The following DPH6 variants were observed in gnomAD, a reference collection of about 807,000 sequenced individuals.
DPH6 encodes diphthamine biosynthesis 6, also known as diphthine--ammonia ligase.
A neutral mutation model predicts 38.2 loss-of-function variants in DPH6; 33 were observed. The observed-to-expected ratio is 0.86, with a 90% CI of 0.65 to 1.15. The LOEUF (loss-of-function observed/expected upper bound fraction) is 1.15. DPH6 is among the 50% of genes most tolerant of loss of function. The pLI, the probability that DPH6 is intolerant of heterozygous loss-of-function variation, is 0.00. For missense variants in DPH6, 325 were observed against 320.0 expected, an observed-to-expected ratio of 1.02 and a Z score of -0.12; for synonymous variants, 108 against 103.0, an observed-to-expected ratio of 1.05 and a Z score of -0.30.
intron 3 of DPH6, among the ~76,000 whole-genome samples, chr15:35,508,389 T>C (rs912535902): frequency 1.3e-5 from 2 of 152,164 alleles, no homozygotes; most frequent in Non-Finnish European, 2.9e-5. Flanking sequence ...TTTTCTTATA[T>C]ATCCAAAAGG....
intron 6 of DPH6, among the ~76,000 whole-genome samples, chr15:35,392,422 G>T (rs748707838): frequency 1.4e-5 from 2 of 144,508 alleles, no homozygotes; most frequent in Non-Finnish European, 3.0e-5. Context: ...AAAAAAAAAA[G>T]CCAAACTCAT....
intron 5 of DPH6, among the ~76,000 whole-genome samples, chr15:35,412,446 T>C (rs561270790): frequency 6.6e-6 from 1 of 151,686 alleles, no homozygotes; most frequent in Non-Finnish European, 1.5e-5. Context: ...CTGAACATAT[T>C]CTTACTATAC....
chr15:35,370,246 G>A (rs4338752), downstream of DPH6, among the ~76,000 whole-genome samples: 39,709 of 151,390 alleles, frequency 0.26, 5,392 homozygotes, highest in South Asian at 0.38. Context: ...ATCAAGCTTC[G>A]ACAAGATAAT....
intron 3 of DPH6, among the ~76,000 whole-genome samples, chr15:35,258,194 C>T (rs2051720671): frequency 6.6e-6 from 1 of 152,034 alleles, no homozygotes; most frequent in Admixed American, 6.6e-5. Context: ...GTCTTTTTGC[C>T]TTACTCGGGC....
intron 3 of DPH6, among the ~76,000 whole-genome samples, chr15:35,510,260 C>T (rs2054750733): frequency 6.6e-6 from 1 of 152,076 alleles, no homozygotes; most frequent in African/African-American, 2.4e-5. Flanking sequence ...TCACATTTGA[C>T]TATTGTATTA....
At chr15:35,381,322 A>G (rs1298007932) in intron 7 of DPH6, among the ~76,000 whole-genome samples, 1 of 152,208 alleles carries the variant, frequency 6.6e-6, no homozygotes, top group Non-Finnish European at 1.5e-5. Context: ...ACTACTCACC[A>G]TCAACTAAAT....
At chr15:35,335,221 A>G (rs1349189121) in intron 3 of DPH6, among the ~76,000 whole-genome samples, 2 of 152,038 alleles carry the variant, frequency 1.3e-5, no homozygotes, top group African/African-American at 4.8e-5. Context: ...GGGTCTGTTC[A>G]TGTCCTTTGC....
At chr15:35,404,422 C>T (rs1373306646) in intron 6 of DPH6, among the ~76,000 whole-genome samples, 1 of 152,076 alleles carries the variant, frequency 6.6e-6, no homozygotes, top group Non-Finnish European at 1.5e-5. Flanking sequence ...GCCATTTTAA[C>T]TGGTGTGAGA....
At chr15:35,145,377 T>C in the DPH6 span, among the ~76,000 whole-genome samples, 2 of 152,244 alleles carry the variant, frequency 1.3e-5, no homozygotes, top group Non-Finnish European at 2.9e-5. Context: ...TTCCTTTACA[T>C]GTGAAGCAAC....
At chr15:35,294,819 A>C (rs1595464829) in intron 3 of DPH6, among the ~76,000 whole-genome samples, 1 of 152,350 alleles carries the variant, frequency 6.6e-6, no homozygotes, top group East Asian at 1.9e-4. Flanking sequence ...CAGGGAGGCC[A>C]CTGGAGTGAG....
chr15:35,238,889 C>T (rs2051576807), intron 3 of DPH6, among the ~76,000 whole-genome samples: 2 of 150,506 alleles, frequency 1.3e-5, no homozygotes, highest in African/African-American at 2.4e-5. Flanking sequence ...GAGAACAACC[C>T]TCTTTGACTG....
At chr15:35,352,528 A>G (rs1211930699) in intron 3 of DPH6, among the ~76,000 whole-genome samples, 3 of 151,760 alleles carry the variant, frequency 2.0e-5, no homozygotes, top group South Asian at 2.1e-4. Context: ...AGAACATGTG[A>G]TATTTGGTTT....
chr15:35,195,212 T>C, the DPH6 span, among the ~76,000 whole-genome samples: 1 of 152,232 alleles, frequency 6.6e-6, no homozygotes, highest in Non-Finnish European at 1.5e-5. Context: ...CACAATGACC[T>C]TCAGTTCCAT....
intron 6 of DPH6, among the ~76,000 whole-genome samples, chr15:35,390,507 A>G (rs1404590615): frequency 5.9e-5 from 9 of 152,210 alleles, no homozygotes; most frequent in Non-Finnish European, 1.3e-4. Flanking sequence ...GTCTTTTCAC[A>G]TAGTCCCATA....
In DPH6 at chr15:35,419,068, T is replaced by TACACACACACACACAC. The variant is rs145718698; in HGVS notation, c.506-8188_506-8173dup. Among the ~76,000 whole-genome samples the TACACACACACACACAC allele has an allele frequency of 2.5e-3, 363 of 145,030 alleles. 2 individuals are homozygous for TACACACACACACACAC. The highest frequency in any genetic ancestry group is 8.0e-3 in the African/African-American group (318 of 39,884). The stretch of plus-strand genomic sequence containing the variant: ...CCTTTCAAACTAAAACACACACACA[T>TACACACACACACACAC]ACACACACACACACACACACACACA... On this transcript the variant is annotated intron_variant, in intron 5 of 8. Coordinates refer to ENST00000256538, the MANE Select transcript of DPH6 (RefSeq NM_080650.4).
chr15:35,428,911 T>C (rs572478929), intron 5 of DPH6, among the ~76,000 whole-genome samples: 1 of 152,216 alleles, frequency 6.6e-6, no homozygotes, highest in African/African-American at 2.4e-5. Flanking sequence ...CAAAAAGCAA[T>C]TTCTGTTAAT....
chr15:35,229,282 G>A (rs1044980895), intron 3 of DPH6, among the ~76,000 whole-genome samples: 4 of 151,514 alleles, frequency 2.6e-5, no homozygotes, highest in Non-Finnish European at 5.9e-5. Flanking sequence ...CTGTCTTCAA[G>A]TTCACTAATT....
intron 3 of DPH6, among the ~76,000 whole-genome samples, chr15:35,259,650 G>A (rs1302368603): frequency 6.6e-6 from 1 of 152,182 alleles, no homozygotes; most frequent in Non-Finnish European, 1.5e-5. Context: ...ATGCAGTCAA[G>A]GACCTGGAAG....
the DPH6 span, among the ~76,000 whole-genome samples, chr15:35,164,445 T>C: frequency 6.6e-6 from 1 of 151,774 alleles, no homozygotes; most frequent in African/African-American, 2.4e-5. Flanking sequence ...GCCTGAACTA[T>C]GAAACTTGGC....
Sources: allele counts gnomAD v4.1 joint callset (sites outside exome capture counted in the v4.1 genomes callset), GRCh38; gene constraint gnomAD v4.1.1; transcripts MANE v1.5; gene names NCBI Gene and HGNC (gene_info 2026-07-23, HGNC 2026-07-21).